The following ATP7A variants were observed in gnomAD, a reference collection of about 807,000 sequenced individuals.
ATP7A encodes copper-transporting ATPase 1.
ATP7A carries 7 observed loss-of-function variants against 83.5 expected under a neutral mutation model. The ratio of observed to expected loss-of-function variants is 0.08; its 90% CI spans 0.05 to 0.16. The LOEUF is 0.16. ATP7A is among the 10% of genes least tolerant of loss of function. ATP7A has a pLI of 1.00. For missense variants in ATP7A, 940 were observed against 1,120.8 expected (o/e 0.84, Z 2.30); for synonymous variants, 354 against 395.2 (o/e 0.90, Z 1.24).
chrX:77,960,078 T>G (rs947090008), intron 1 of ATP7A, among the ~76,000 whole-genome samples: 1 of 111,842 alleles, frequency 8.9e-6, no homozygotes, highest in Admixed American at 9.5e-5. Context: ...GCAGATAGAG[T>G]TGTATCCAAA....
In ATP7A at chrX:78,049,577, T is replaced by C. The variant is rs966542137; in HGVS notation, c.*3007T>C. The C allele has an allele frequency of 8.9e-6, 1 of 112,801 alleles. No homozygotes were observed. Among genetic ancestry groups the C allele is most frequent in the Non-Finnish European group, 1.9e-5 (1 of 53,243 alleles). 9.3% of individuals were successfully genotyped at this position (112,801 alleles called of 1,213,427 possible). The stretch of plus-strand genomic sequence containing the variant: ...TTGTAGTCTCAAGATGTATGGTGTG[T>C]CATTTGTGAAAATAGAAACGTTATT... On this transcript the variant is annotated 3_prime_UTR_variant, in exon 23 of 23. Coordinates refer to ENST00000341514, the MANE Select transcript of ATP7A (RefSeq NM_000052.7).
intron 11 of ATP7A, 98 bp downstream of exon 11, chrX:78,014,851 TA>T: frequency 1.6e-6 from 1 of 608,985 alleles, no homozygotes; most frequent in East Asian, 3.5e-5. Flanking sequence ...TGAATTCACA[TA>T]ATCTGTCTCC....
At chrX:77,994,892 C>T (rs1225499175) in intron 4 of ATP7A, among the ~76,000 whole-genome samples, 1 of 110,945 alleles carries the variant, frequency 9.0e-6, no homozygotes, top group Non-Finnish European at 1.9e-5. Context: ...TGTTAAGGGC[C>T]CCGGGAATCA....
intron 1 of ATP7A, chrX:77,964,348 C>T (rs1206490015): frequency 8.9e-6 from 1 of 111,742 alleles, no homozygotes; most frequent in African/African-American, 3.3e-5. Context: ...TCTGAAGCTC[C>T]ACAATGGTGC....
chrX:78,014,140 G>C (rs2077845262), intron 10 of ATP7A, among the ~76,000 whole-genome samples: 1 of 110,612 alleles, frequency 9.0e-6, no homozygotes, highest in Non-Finnish European at 1.9e-5. Context: ...GGGCGCGGTG[G>C]CTCATGCCTG....
At chrX:77,915,919 C>A (rs1439156291) in intron 1 of ATP7A, among the ~76,000 whole-genome samples, 2 of 111,664 alleles carry the variant, frequency 1.8e-5, no homozygotes, top group East Asian at 5.7e-4. Context: ...TGGGGTTTCG[C>A]CATGTTGGCC....
chrX:78,038,843 T>C lies in ATP7A; in HGVS notation c.3519T>C (p.Leu1173=). The change falls in exon 18 of 23, where the codon CTT becomes CTC. Residue 1173 remains leucine (L), a synonymous_variant. Transcript: ENST00000341514. The part of the protein sequence containing the change: ...MIIDAQISNA[L]NAQQYKVLIG... ...TTCTGTGCCTACTTTCAGATGCTCT[T>C]AATGCTCAGCAGTATAAAGTCCTCA... 3.3e-6 allele frequency: 4 copies of C among 1,210,755 alleles called. No homozygotes were observed. Among genetic ancestry groups the C allele is most frequent in the Non-Finnish European group, 3.4e-6 (3 of 894,601 alleles).
intron 1 of ATP7A, among the ~76,000 whole-genome samples, chrX:77,938,001 G>T (rs549720132): frequency 1.8e-5 from 2 of 109,484 alleles, no homozygotes; most frequent in Non-Finnish European, 3.8e-5. Flanking sequence ...TATTTGGTCT[G>T]GTGTACTAAT....
At chrX:77,962,808 G>A (rs782282165) in intron 1 of ATP7A, 24 of 386,400 alleles carry the variant, frequency 6.2e-5, no homozygotes, top group Non-Finnish European at 1.0e-4. Flanking sequence ...AGAGCTTGCC[G>A]TCAAATGTAC....
chrX:78,016,340 C>T (rs1205479845), intron 12 of ATP7A, among the ~76,000 whole-genome samples: 1 of 111,124 alleles, frequency 9.0e-6, no homozygotes, highest in Non-Finnish European at 1.9e-5. Flanking sequence ...ATCACCTCCC[C>T]TCCTCGACAT....
intron 1 of ATP7A, among the ~76,000 whole-genome samples, chrX:77,935,190 A>G (rs1407743881): frequency 9.0e-6 from 1 of 111,681 alleles, no homozygotes; most frequent in East Asian, 2.8e-4. Flanking sequence ...TTGATTTATA[A>G]TGCTACTCCC....
At chrX:77,923,790 C>A (rs1354398006) in intron 1 of ATP7A, 1 of 110,930 alleles carries the variant, frequency 9.0e-6, no homozygotes, top group African/African-American at 3.3e-5. Flanking sequence ...GTGTGCACAG[C>A]CTTCATCATT....
intron 1 of ATP7A, among the ~76,000 whole-genome samples, chrX:77,960,838 C>G (rs1557227988): frequency 9.0e-6 from 1 of 111,641 alleles, no homozygotes; most frequent in Non-Finnish European, 1.9e-5. Flanking sequence ...TTCCCAGAAG[C>G]CTACATGTTT....
intron 9 of ATP7A, 68 bp downstream of exon 9, chrX:78,011,742 T>C: frequency 1.0e-6 from 1 of 984,198 alleles, no homozygotes; most frequent in Non-Finnish European, 1.4e-6. Flanking sequence ...AGGCAAGGTT[T>C]ATTTTCAGCT....
chrX:78,034,049 G>T (rs2077998273), intron 17 of ATP7A, among the ~76,000 whole-genome samples: 1 of 112,372 alleles, frequency 8.9e-6, no homozygotes, highest in African/African-American at 3.2e-5. Context: ...GATCATCCAT[G>T]ATCATTCTTT....
rs578116013 is a variant in ATP7A, at chrX:77,935,879, G to A, written c.-22+25044G>A. Among the ~76,000 whole-genome samples, 3 of 112,171 alleles carry A rather than the reference G, an allele frequency of 2.7e-5. No individual in the cohort carries two copies. The South Asian group carries it at 1.1e-3, about 41-fold the overall frequency. On this transcript the variant is annotated intron_variant, in intron 1 of 22. Coordinates refer to ENST00000341514, the MANE Select transcript of ATP7A (RefSeq NM_000052.7). ...GAAATTACATTTTAACAGTCCCCAA[G>A]GAATGTTTGTTAAATAATTTTTAGT... is the stretch of plus-strand genomic sequence containing the variant.
rs546582991 is a variant in ATP7A at position 77,999,773 on chromosome X, G to A, written c.1543+1089G>A. Among the ~76,000 whole-genome samples, 7 of 110,540 alleles carry A rather than the reference G, an allele frequency of 6.3e-5. No homozygotes were observed. In the South Asian group the frequency reaches 1.5e-3, roughly 24 times the overall value. On this transcript the variant is annotated intron_variant, in intron 5 of 22. Coordinates refer to ENST00000341514, the MANE Select transcript of ATP7A (RefSeq NM_000052.7). ...ACAAAAATTAGCTGGGTGTAGTGGC[G>A]CATGCCTGGAGTCCCAGCTACTTGG...
Position 78,031,610 on chromosome X carries a change from T to C in ATP7A, c.3294+28T>C, listed in dbSNP as rs200716158. The C allele has an allele frequency of 1.7e-5, 20 of 1,175,741 alleles. No homozygotes were observed. The East Asian group carries it at 2.1e-4, about 12-fold the overall frequency. ...ACATTTTTTTCCTCTTGTTTATTAGTGTAGTCATCTCCTGTAGGAATTCCC... is the reference window on the plus strand; with the variant it reads ...ACATTTTTTTCCTCTTGTTTATTAGCGTAGTCATCTCCTGTAGGAATTCCC... On this transcript the variant is annotated intron_variant, in intron 16 of 22. Coordinates refer to ENST00000341514, the MANE Select transcript of ATP7A (RefSeq NM_000052.7).
At chrX:77,932,497 C>T (rs1176753523) in intron 1 of ATP7A, among the ~76,000 whole-genome samples, 3 of 112,152 alleles carry the variant, frequency 2.7e-5, no homozygotes, top group East Asian at 5.7e-4. Context: ...ACTTCCCAGA[C>T]GGGGTGGCGG....
Sources: gnomAD v4.1 joint callset for allele counts (sites outside exome capture counted in the v4.1 genomes callset) on GRCh38, gnomAD v4.1.1 for gene constraint, MANE v1.5 for transcripts, NCBI Gene and HGNC (gene_info 2026-07-23, HGNC 2026-07-21) for gene names.